Variants in PPP1R9A observed in about 807,000 individuals in gnomAD.
The protein encoded by PPP1R9A is neurabin-1.
In PPP1R9A, 59 loss-of-function variants were observed where a neutral mutation model predicts 141.9. The observed-to-expected ratio is 0.42, with a 90% CI of 0.34 to 0.52. The LOEUF (loss-of-function observed/expected upper bound fraction) is 0.52. Among genes scored for constraint, PPP1R9A ranks in the 20% least tolerant of loss-of-function variants. PPP1R9A has a pLI of 0.10. For synonymous variants in PPP1R9A, 500 were observed against 569.7 expected (o/e 0.88, Z 1.74); for missense variants, 1,444 against 1,611.9 (o/e 0.90, Z 1.78).
intron 2 of PPP1R9A, among the ~76,000 whole-genome samples, chr7:95,085,828 A>G (rs1233565053): frequency 2.0e-5 from 3 of 152,000 alleles, no homozygotes; most frequent in Non-Finnish European, 2.9e-5. Flanking sequence ...TAATACTATC[A>G]TAATGGTTAA....
intron 2 of PPP1R9A, among the ~76,000 whole-genome samples, chr7:95,108,313 T>TC: frequency 1.7e-5 from 2 of 120,404 alleles, no homozygotes; most frequent in African/African-American, 6.5e-5. Flanking sequence ...TTTTCTTTTT[T>TC]TTTTTTTTTT....
chr7:94,935,301 A>C (rs1273300732), intron 2 of PPP1R9A, among the ~76,000 whole-genome samples: 1 of 152,226 alleles, frequency 6.6e-6, no homozygotes, highest in African/African-American at 2.4e-5. Flanking sequence ...ATATAGCACC[A>C]GTGAACCAAG....
intron 18 of PPP1R9A, chr7:95,287,149 G>A: frequency 1.2e-6 from 2 of 1,612,488 alleles, no homozygotes; most frequent in Non-Finnish European, 1.7e-6. Flanking sequence ...CTATCAGTGG[G>A]CTGTGTGTGG....
At chr7:95,273,727 T>C (rs2178057) in intron 14 of PPP1R9A, among the ~76,000 whole-genome samples, 172 bp from the exon 15 acceptor site, 71,657 of 151,770 alleles carry the variant, frequency 0.47, 17,633 homozygotes, top group Middle Eastern at 0.57. Flanking sequence ...CCTGCTTAAC[T>C]GCGAGTTCCT....
intron 8 of PPP1R9A, among the ~76,000 whole-genome samples, chr7:95,226,918 C>A (rs534315607): frequency 3.3e-5 from 5 of 152,260 alleles, no homozygotes; most frequent in African/African-American, 9.6e-5. Context: ...ATTAATAGGT[C>A]CCAAAGCAGT....
chr7:95,024,368 A>G (rs1177695195), intron 2 of PPP1R9A, among the ~76,000 whole-genome samples: 2 of 152,146 alleles, frequency 1.3e-5, no homozygotes, highest in Non-Finnish European at 2.9e-5. Flanking sequence ...TGATATACAC[A>G]GTGGGGTGTT....
chr7:94,980,343 T>C (rs1799950175), intron 2 of PPP1R9A, among the ~76,000 whole-genome samples: 2 of 152,134 alleles, frequency 1.3e-5, no homozygotes, highest in South Asian at 4.1e-4. Flanking sequence ...TTTATGTGCG[T>C]GTGTGTGTAT....
chr7:94,973,356 G>C (rs936193260), intron 2 of PPP1R9A, among the ~76,000 whole-genome samples: 3 of 152,096 alleles, frequency 2.0e-5, no homozygotes, highest in African/African-American at 7.2e-5. Context: ...AGAATGATAG[G>C]CTAAAAAAAT....
At chr7:95,024,237 C>T (rs1486965092) in intron 2 of PPP1R9A, among the ~76,000 whole-genome samples, 1 of 151,508 alleles carries the variant, frequency 6.6e-6, no homozygotes, top group Non-Finnish European at 1.5e-5. Context: ...ATGTGGTGCT[C>T]AGAATGTATA....
intron 4 of PPP1R9A, among the ~76,000 whole-genome samples, chr7:95,147,698 A>G (rs1827890812): frequency 6.6e-6 from 1 of 152,182 alleles, no homozygotes; most frequent in Non-Finnish European, 1.5e-5. Flanking sequence ...GAGTGTTTTT[A>G]TCATGAAGAG....
intron 8 of PPP1R9A, among the ~76,000 whole-genome samples, chr7:95,231,938 A>G: frequency 6.6e-6 from 1 of 152,154 alleles, no homozygotes; most frequent in Non-Finnish European, 1.5e-5. Context: ...GCAAAAGATA[A>G]ATGAAATAAA....
chr7:95,140,196 A>G (rs1403169972), intron 4 of PPP1R9A, among the ~76,000 whole-genome samples: 1 of 152,204 alleles, frequency 6.6e-6, no homozygotes, highest in Non-Finnish European at 1.5e-5. Context: ...AGAGAAGGCC[A>G]TGCTTTTCTA....
At chr7:95,129,537 G>A (rs1029367511) in intron 4 of PPP1R9A, among the ~76,000 whole-genome samples, 4 of 152,166 alleles carry the variant, frequency 2.6e-5, no homozygotes, top group Middle Eastern at 3.2e-3. Context: ...AAAAAGTGGG[G>A]TATTGCTGAA....
intron 2 of PPP1R9A, among the ~76,000 whole-genome samples, chr7:95,082,514 A>C (rs1303284775): frequency 2.0e-5 from 3 of 151,870 alleles, no homozygotes; most frequent in Non-Finnish European, 4.4e-5. Context: ...CCAAGTCAGG[A>C]GAACTGCTAG....
Position 94,910,379 on chromosome 7 carries a change from G to A in PPP1R9A, c.266G>A (p.Gly89Glu), listed in dbSNP as rs1490109177. 6.2e-7 allele frequency: 1 copy of A among 1,613,972 alleles called. No homozygotes were observed. Among genetic ancestry groups the A allele is most frequent in the Non-Finnish European group, 8.5e-7 (1 of 1,180,042 alleles). The change falls in exon 2 of 20, where the codon GGG (glycine) becomes GAG (glutamate). Residue 89 changes from glycine to glutamate, a missense_variant. Gly to Glu is a moderately conservative substitution (Grantham distance 98). Coordinates refer to ENST00000433360, the MANE Select transcript of PPP1R9A (RefSeq NM_001166160.2). The surrounding 1 kb of genome is among the most constrained non-coding windows in gnomAD (Gnocchi z 4.5). ...ENAAVIAKTR[G>E]KGGHSSPQRR... is the part of the protein sequence containing the mutation. ...GCTGCAGTCATTGCCAAAACAAGGG[G>A]GAAAGGTGGACATTCATCTCCTCAG... is the stretch of plus-strand genomic sequence containing the variant.
chr7:95,004,716 A>G (rs1014783864), intron 2 of PPP1R9A, among the ~76,000 whole-genome samples: 1 of 152,200 alleles, frequency 6.6e-6, no homozygotes, highest in Non-Finnish European at 1.5e-5. Context: ...GAGAGTAGAT[A>G]CCGTATACTG....
At chr7:95,102,007 T>C (rs1419631762) in intron 2 of PPP1R9A, among the ~76,000 whole-genome samples, 1 of 152,156 alleles carries the variant, frequency 6.6e-6, no homozygotes, top group African/African-American at 2.4e-5. Context: ...CTTGCAAAAG[T>C]AGCTTATGGA....
At chr7:94,964,925 A>C (rs1798037701) in intron 2 of PPP1R9A, among the ~76,000 whole-genome samples, 1 of 152,214 alleles carries the variant, frequency 6.6e-6, no homozygotes, top group African/African-American at 2.4e-5. Context: ...GGTTGAACTA[A>C]CTTACACTCC....
chr7:94,953,311 G>A (rs1197211276), intron 2 of PPP1R9A, among the ~76,000 whole-genome samples: 2 of 152,024 alleles, frequency 1.3e-5, no homozygotes, highest in African/African-American at 4.8e-5. Context: ...TGTTCCATTG[G>A]TCTATATATC....
Sources: allele counts gnomAD v4.1 joint callset (sites outside exome capture counted in the v4.1 genomes callset), GRCh38; gene constraint gnomAD v4.1.1; non-coding constraint Gnocchi (gnomAD v3.1); transcripts MANE v1.5; gene names NCBI Gene and HGNC (gene_info 2026-07-23, HGNC 2026-07-21).